The following DIRAS3 variants were observed in gnomAD, a reference collection of about 807,000 sequenced individuals.
The protein encoded by DIRAS3 is GTP-binding protein Di-Ras3.
For synonymous variants in DIRAS3, 133 were observed against 131.4 expected, an observed-to-expected ratio of 1.01 and a Z score of -0.08; for missense variants, 248 against 300.6, an observed-to-expected ratio of 0.83 and a Z score of 1.29.
At chr1:68,047,392 G>A in intron 1 of DIRAS3, 30 bp from the exon 2 acceptor site, 1 of 1,138,246 alleles carries the variant, frequency 8.8e-7, no homozygotes, top group Non-Finnish European at 1.2e-6. Flanking sequence ...GTGAGAGATG[G>A]TAGTGGTAAC....
Position 68,046,998 on chromosome 1 carries a change from A to C in DIRAS3, c.300T>G (p.Ala100=). ...TDSKSGDGNR[A]LQRHVIARGH... is the part of the protein sequence containing the mutation. ...CCCGGGCTATAACGTGGCGCTGCAGAGCGCGGTTGCCGTCGCCACTCTTGC... is the reference window on the plus strand; with the variant it reads ...CCCGGGCTATAACGTGGCGCTGCAGCGCGCGGTTGCCGTCGCCACTCTTGC... The change falls in exon 2 of 2, where the codon GCT becomes GCG. Residue 100 remains alanine, a synonymous_variant. Transcript: ENST00000646789. 6.2e-7 allele frequency: 1 copy of C among 1,614,160 alleles called. No individual in the cohort carries two copies.
intron 1 of DIRAS3, among the ~76,000 whole-genome samples, chr1:68,048,059 T>TATATATATATAG (rs1645697055): frequency 1.1e-5 from 1 of 92,260 alleles, no homozygotes; most frequent in Non-Finnish European, 2.1e-5. Flanking sequence ...AATATATATA[T>TATATATATATAG]ATATATATAT....
At position 68,047,328 on chromosome 1, in the gene DIRAS3, A is replaced by C. The variant is rs1226491610; in HGVS notation, c.-31T>G. 1 of 1,590,126 alleles carries C rather than the reference A, an allele frequency of 6.3e-7. No individual in the cohort carries two copies. Among genetic ancestry groups the C allele is most frequent in the Admixed American group, 1.7e-5 (1 of 58,994 alleles). On this transcript the variant is annotated 5_prime_UTR_variant, in exon 2 of 2. Coordinates refer to ENST00000646789, the MANE Select transcript of DIRAS3 (RefSeq NM_004675.5). Reference sequence around the variant, plus strand: ...GGATTCGGAGGGGAGATACGTGCACAAGTTCTCCCACACTTAGCTGGCAGC... The same window carrying C: ...GGATTCGGAGGGGAGATACGTGCACCAGTTCTCCCACACTTAGCTGGCAGC...
rs1221533905 is a variant in DIRAS3 at position 68,046,041 on chromosome 1, T to G, written c.*567A>C. 1.3e-5 allele frequency: 2 copies of G among 152,672 alleles called. No individual in the cohort carries two copies. Among genetic ancestry groups the G allele is most frequent in the Non-Finnish European group, 2.9e-5 (2 of 68,384 alleles). 9.5% of individuals were successfully genotyped at this position (152,672 alleles called of 1,614,324 possible). ...GCTATGCAGAATACTCAAACATTTT[T>G]AAATGACATGAGAAACTACTAACAT... is the stretch of plus-strand genomic sequence containing the variant. On this transcript the variant is annotated 3_prime_UTR_variant, in exon 2 of 2. Coordinates refer to ENST00000646789, the MANE Select transcript of DIRAS3 (RefSeq NM_004675.5).
chr1:68,049,953 G>C (rs1645715681), intron 1 of DIRAS3, among the ~76,000 whole-genome samples: 1 of 147,418 alleles, frequency 6.8e-6, no homozygotes, highest in Non-Finnish European at 1.5e-5. Flanking sequence ...TCATTCTCAG[G>C]CAGTGGACCC....
intron 1 of DIRAS3, 51 bp from the exon 2 acceptor site, chr1:68,047,413 G>T: frequency 1.1e-6 from 1 of 905,266 alleles, no homozygotes; most frequent in Non-Finnish European, 1.6e-6. Flanking sequence ...CTACAATGTT[G>T]TCAGATCATG....
At chr1:68,048,705 A>G (rs1048156824) in intron 1 of DIRAS3, among the ~76,000 whole-genome samples, 3 of 149,494 alleles carry the variant, frequency 2.0e-5, no homozygotes, top group Non-Finnish European at 4.4e-5. Flanking sequence ...AGAGAGTAAT[A>G]TGTCCATATT....
chr1:68,049,922 T>C (rs1645715453), intron 1 of DIRAS3, among the ~76,000 whole-genome samples: 1 of 151,258 alleles, frequency 6.6e-6, no homozygotes, highest in South Asian at 2.1e-4. Flanking sequence ...TAACTGAAGT[T>C]TCCAGATGTG....
rs894628342 is a variant in DIRAS3 at position 68,046,379 on chromosome 1, A to G, written c.*229T>C. 3 of 475,786 alleles carry G rather than the reference A, an allele frequency of 6.3e-6. No individual in the cohort carries two copies. The highest frequency in any genetic ancestry group is 3.8e-5 in the Admixed American group (1 of 26,502). The allele number at this position is 475,786 out of a possible 1,614,324, so 29.5% of individuals were successfully genotyped here. A position where few individuals can be genotyped will look rare whatever the true frequency, so the allele number is the denominator to read the frequency against. Reference sequence around the variant, plus strand: ...TTACTAAAGGCCTTACTTTAAATACATCATGCTACATTTTGTTCTCCTCTT... The same window carrying G: ...TTACTAAAGGCCTTACTTTAAATACGTCATGCTACATTTTGTTCTCCTCTT... On this transcript the variant is annotated 3_prime_UTR_variant, in exon 2 of 2. Transcript: ENST00000646789.
chr1:68,046,643 T>A lies in DIRAS3; in HGVS notation c.655A>T (p.Thr219Ser). 6.2e-7 allele frequency: 1 copy of A among 1,614,038 alleles called. No individual in the cohort carries two copies. The highest frequency in any genetic ancestry group is 8.5e-7 in the Non-Finnish European group (1 of 1,179,996). ...ATGCACTTGTCAAGCAGCTTCTCAG[T>A]GGTGTTGGGCATCTGGGATTTCTTC... is the stretch of plus-strand genomic sequence containing the variant. ...PEKKSQMPNTTEKLLDKCIIM is the reference protein window; with the variant it reads ...PEKKSQMPNTSEKLLDKCIIM Residue 219 changes from threonine to serine, a missense_variant, in exon 2 of 2, where the codon ACT (threonine) becomes TCT (serine). Coordinates refer to ENST00000646789, the MANE Select transcript of DIRAS3 (RefSeq NM_004675.5).
At chr1:68,048,752 T>G (rs569895199) in intron 1 of DIRAS3, among the ~76,000 whole-genome samples, 68 of 145,232 alleles carry the variant, frequency 4.7e-4, no homozygotes, top group Middle Eastern at 7.2e-3. Context: ...TTTGTTTTTT[T>G]TTTTTGAGTC....
rs1436181924 is a variant in DIRAS3 at position 68,046,399 on chromosome 1, C to T, written c.*209G>A. 7 of 520,246 alleles carry T rather than the reference C, an allele frequency of 1.3e-5. No homozygotes were observed. Among genetic ancestry groups the T allele is most frequent in the Admixed American group, 3.6e-5 (1 of 28,100 alleles). 32.2% of individuals were successfully genotyped at this position (520,246 alleles called of 1,614,324 possible). On this transcript the variant is annotated 3_prime_UTR_variant, in exon 2 of 2. Coordinates refer to ENST00000646789, the MANE Select transcript of DIRAS3 (RefSeq NM_004675.5). ...AATACATCATGCTACATTTTGTTCT[C>T]CTCTTCAAATGCCAATGTTTTAACA...
chr1:68,048,245 A>G (rs1645699048), intron 1 of DIRAS3, among the ~76,000 whole-genome samples: 1 of 151,714 alleles, frequency 6.6e-6, no homozygotes, highest in African/African-American at 2.4e-5. Flanking sequence ...GGATTTGAAC[A>G]GTCAATGAAC....
Position 68,046,507 on chromosome 1 carries a change from A to T in DIRAS3, c.*101T>A. 8.6e-7 allele frequency: 1 copy of T among 1,164,062 alleles called. No individual in the cohort carries two copies. Among genetic ancestry groups the T allele is most frequent in the Non-Finnish European group, 1.2e-6 (1 of 817,440 alleles). 72.1% of individuals were successfully genotyped at this position (1,164,062 alleles called of 1,614,324 possible). A position where few individuals can be genotyped will look rare whatever the true frequency, so the allele number is the denominator to read the frequency against. ...TGACAACATGGATGTTACAGTCCAA[A>T]CAACAGCACAAAATCAACCATGTAC... On this transcript the variant is annotated 3_prime_UTR_variant, in exon 2 of 2. Coordinates refer to ENST00000646789, the MANE Select transcript of DIRAS3 (RefSeq NM_004675.5).
In DIRAS3 at chr1:68,046,706, A is replaced by G. The variant is rs546564808; in HGVS notation, c.592T>C (p.Tyr198His). The G allele has an allele frequency of 1.9e-6, 3 of 1,614,102 alleles. No homozygotes were observed. The South Asian group carries it at 3.3e-5, about 18-fold the overall frequency. Residue 198 changes from tyrosine to histidine, a missense_variant, in exon 2 of 2, where the codon TAC becomes CAC. By Grantham distance (83) the Tyr-to-His change is moderately conservative. Coordinates refer to ENST00000646789, the MANE Select transcript of DIRAS3 (RefSeq NM_004675.5). ...AGGCCGGTGGTGGGCTTTTTCTTGT[A>G]ATTCAGCAGCATGTGGAACAGCTCC... Reference protein sequence around the residue: ...VQELFHMLLNYKKKPTTGLQE... With the variant: ...VQELFHMLLNHKKKPTTGLQE...
rs1403288164 is a variant in DIRAS3 at position 68,050,392 on chromosome 1, G to A, written c.-66+156C>T. ...TGCAGGACCTGCCAGGAGCCCGCAG[G>A]GCTGCGGGTGGTTCTTGCGTAATCG... is the stretch of plus-strand genomic sequence containing the variant. On this transcript the variant is annotated intron_variant, in intron 1 of 1. Transcript: ENST00000646789. This position sits in a 1 kb window ranked among gnomAD's most constrained non-coding sequence, Gnocchi z 4.5. 6.6e-6 allele frequency among the ~76,000 whole-genome samples: 1 copy of A among 152,170 alleles called. No individual in the cohort carries two copies. The highest frequency in any genetic ancestry group is 2.1e-4 in the South Asian group (1 of 4,832).
At position 68,046,800 on chromosome 1, in the gene DIRAS3, A is replaced by G. The variant is rs779753508; in HGVS notation, c.498T>C (p.Gly166=). The G allele has an allele frequency of 9.9e-6, 16 of 1,614,000 alleles. No homozygotes were observed. The highest frequency in any genetic ancestry group is 4.4e-5 in the South Asian group (4 of 91,074). ...DTHREVALND[G]ATCAMEWNCA... ...AATTCCACTCCATCGCACAGGTGGCACCATCATTCAGGGCCACCTCCCGGT... is the reference window on the plus strand; with the variant it reads ...AATTCCACTCCATCGCACAGGTGGCGCCATCATTCAGGGCCACCTCCCGGT... Residue 166 remains glycine (G), a synonymous_variant, in exon 2 of 2, where the codon GGT becomes GGC. Transcript: ENST00000646789.
Position 68,047,271 on chromosome 1 carries a change from C to T in DIRAS3, c.27G>A (p.Lys9=), listed in dbSNP as rs1645683441. ...GCAACCGCTTCAGCAGCTTCTGTTC[C>T]TTGGAGCCAAAGCTGGCGTTACCCA... MGNASFGS[K]EQKLLKRLRL... Residue 9 remains lysine, a synonymous_variant, in exon 2 of 2, where the codon AAG becomes AAA. Transcript: ENST00000646789. 2 of 1,613,516 alleles carry T rather than the reference C, an allele frequency of 1.2e-6. No homozygotes were observed. The highest frequency in any genetic ancestry group is 1.7e-5 in the Admixed American group (1 of 60,004).
Position 68,046,500 on chromosome 1 carries a change from A to T in DIRAS3, c.*108T>A. On this transcript the variant is annotated 3_prime_UTR_variant, in exon 2 of 2. Coordinates refer to ENST00000646789, the MANE Select transcript of DIRAS3 (RefSeq NM_004675.5). ...TACGTATTGACAACATGGATGTTACAGTCCAAACAACAGCACAAAATCAAC... is the reference window on the plus strand; with the variant it reads ...TACGTATTGACAACATGGATGTTACTGTCCAAACAACAGCACAAAATCAAC... 4.8e-6 allele frequency: 5 copies of T among 1,033,224 alleles called. No individual in the cohort carries two copies. Among genetic ancestry groups the T allele is most frequent in the Non-Finnish European group, 7.1e-6 (5 of 702,346 alleles). 64.0% of individuals were successfully genotyped at this position (1,033,224 alleles called of 1,614,324 possible).
Sources: allele counts gnomAD v4.1 joint callset (sites outside exome capture counted in the v4.1 genomes callset), GRCh38; gene constraint gnomAD v4.1.1; non-coding constraint Gnocchi (gnomAD v3.1); transcripts MANE v1.5; gene names NCBI Gene and HGNC (gene_info 2026-07-23, HGNC 2026-07-21).